NBEA: variants seen among roughly 807,000 people sequenced by gnomAD.
NBEA encodes the protein neurobeachin, also known as lysosomal-trafficking regulator 2.
NBEA carries 44 observed loss-of-function variants against 343.4 expected under a neutral mutation model. The ratio of observed to expected loss-of-function variants is 0.13; its 90% CI spans 0.10 to 0.16. The LOEUF (loss-of-function observed/expected upper bound fraction) is 0.16. Among genes scored for constraint, NBEA ranks in the 10% least tolerant of loss-of-function variants. The pLI is 1.00. For missense variants in NBEA, 2,555 were observed against 3,631.3 expected (o/e 0.70, Z 7.62); for synonymous variants, 1,175 against 1,238.7 (o/e 0.95, Z 1.08).
At chr13:35,173,937 G>A (rs1361378145) in intron 27 of NBEA, among the ~76,000 whole-genome samples, 1 of 152,086 alleles carries the variant, frequency 6.6e-6, no homozygotes, top group Non-Finnish European at 1.5e-5. Context: ...AGGCATAATA[G>A]TCAACAAAAA....
intron 6 of NBEA, among the ~76,000 whole-genome samples, chr13:35,053,137 C>A (rs2063124085): frequency 6.6e-6 from 1 of 152,118 alleles, no homozygotes; most frequent in African/African-American, 2.4e-5. Flanking sequence ...GCCTATCTCA[C>A]CTCCACATTG....
intron 23 of NBEA, 77 bp downstream of exon 23, chr13:35,162,044 A>G (rs921198679): frequency 1.6e-6 from 2 of 1,246,306 alleles, no homozygotes; most frequent in Admixed American, 5.4e-5. Context: ...GGTTTTGACA[A>G]AACCAAAAAT....
chr13:35,211,222 G>C, intron 33 of NBEA, 43 bp downstream of exon 33: 1 of 1,484,382 alleles, frequency 6.7e-7, no homozygotes, highest in Admixed American at 2.3e-5. Context: ...CTTTTTAAAT[G>C]TAGTGAAACA....
chr13:35,273,778 T>TTCCTGGACAC (rs1374170507), intron 34 of NBEA, among the ~76,000 whole-genome samples: 4 of 152,178 alleles, frequency 2.6e-5, no homozygotes, highest in African/African-American at 9.6e-5. Context: ...AATGGATAAA[T>TTCCTGGACAC]TCCTGGACAC....
intron 36 of NBEA, among the ~76,000 whole-genome samples, chr13:35,326,703 A>G (rs2038584729): frequency 6.6e-6 from 1 of 151,948 alleles, no homozygotes; most frequent in Non-Finnish European, 1.5e-5. Context: ...GTGAGCATTC[A>G]TGTCCCGTTC....
chr13:35,275,358 T>A (rs904635938), intron 34 of NBEA, among the ~76,000 whole-genome samples: 7 of 152,152 alleles, frequency 4.6e-5, no homozygotes, highest in Admixed American at 1.3e-4. Flanking sequence ...TAACTCAAGA[T>A]GGATTGAAGA....
intron 27 of NBEA, among the ~76,000 whole-genome samples, chr13:35,174,444 A>T (rs1043228554): frequency 6.6e-6 from 1 of 152,164 alleles, no homozygotes; most frequent in Non-Finnish European, 1.5e-5. Context: ...ATATTGATAC[A>T]GTAACTTTTT....
Position 35,641,502 on chromosome 13 carries a change from A to G in NBEA, c.7618-4367A>G, listed in dbSNP as rs573373695. On this transcript the variant is annotated intron_variant, in intron 49 of 58. Transcript: ENST00000379939. ...ATACTATACAGCAAAAGAAAAATGA[A>G]CAAACTACCGATACATACAACAAGG... is the stretch of plus-strand genomic sequence containing the variant. Among the ~76,000 whole-genome samples the G allele has an allele frequency of 7.2e-5, 11 of 152,352 alleles. No homozygotes were observed. The South Asian group carries it at 2.3e-3, about 32-fold the overall frequency.
At chr13:35,137,959 A>G (rs1195834726) in intron 17 of NBEA, among the ~76,000 whole-genome samples, 1 of 152,162 alleles carries the variant, frequency 6.6e-6, no homozygotes, top group Non-Finnish European at 1.5e-5. Flanking sequence ...TGAAATTCAG[A>G]AAGTGGAAAA....
At chr13:35,227,703 A>G (rs2074732527) in intron 33 of NBEA, among the ~76,000 whole-genome samples, 1 of 152,056 alleles carries the variant, frequency 6.6e-6, no homozygotes, top group Non-Finnish European at 1.5e-5. Context: ...TGTTTATTAT[A>G]TTTGTGACAT....
In NBEA at chr13:35,649,839, A is replaced by G; in HGVS notation, c.7955A>G (p.Asn2652Ser). 6.2e-7 allele frequency: 1 copy of G among 1,613,854 alleles called. No individual in the cohort carries two copies. The highest frequency in any genetic ancestry group is 1.1e-5 in the South Asian group (1 of 91,072). Residue 2652 changes from asparagine to serine, a missense_variant, in exon 52 of 59, where the codon AAC (asparagine) becomes AGC (serine). Physicochemically the swap from Asn to Ser is conservative, Grantham distance 46. Coordinates refer to ENST00000379939, the MANE Select transcript of NBEA (RefSeq NM_001385012.1). ...SRLFAVNRWH[N>S]TVGLRGAPGY... ...CTCTTTGCAGTGAATAGATGGCACA[A>G]CACAGTAGGTATGTGTGCCTGAGCA...
At chr13:35,480,361 A>G (rs2076073597) in intron 41 of NBEA, among the ~76,000 whole-genome samples, 1 of 152,036 alleles carries the variant, frequency 6.6e-6, no homozygotes. Flanking sequence ...TTCGAAAAAA[A>G]CCTGATTTAA....
chr13:35,052,784 A>G (rs1366069224), intron 6 of NBEA, among the ~76,000 whole-genome samples: 1 of 152,024 alleles, frequency 6.6e-6, no homozygotes, highest in African/African-American at 2.4e-5. Context: ...TACTGAGATC[A>G]GCTCATTAAT....
At chr13:35,571,821 C>T (rs891862794) in intron 45 of NBEA, among the ~76,000 whole-genome samples, 8 of 152,050 alleles carry the variant, frequency 5.3e-5, no homozygotes, top group Non-Finnish European at 1.2e-4. Context: ...AACATCAAAA[C>T]ACTAAGGTTA....
intron 17 of NBEA, 114 bp downstream of exon 17, chr13:35,123,688 A>G (rs1290607742): frequency 4.1e-6 from 2 of 484,544 alleles, no homozygotes; most frequent in Non-Finnish European, 6.8e-6. Flanking sequence ...ACAGCGGAAA[A>G]TAATAGCTTT....
intron 1 of NBEA, among the ~76,000 whole-genome samples, chr13:35,019,551 G>T (rs149901081): frequency 6.6e-6 from 1 of 151,978 alleles, no homozygotes. Flanking sequence ...CACCTGCCTC[G>T]ATTAAAATTC....
At chr13:35,126,761 T>C (rs766433001) in intron 17 of NBEA, among the ~76,000 whole-genome samples, 1 of 151,604 alleles carries the variant, frequency 6.6e-6, no homozygotes, top group Non-Finnish European at 1.5e-5. Context: ...CTACTAAAAA[T>C]ACAAAAATTA....
rs574159948 is a variant in NBEA, at chr13:35,320,918, C to T, written c.5903+11326C>T. ...ACTTGTGTATGCTTCATGAAGTTCTCGTGTTGTGTTTTTCAGCTGTGTCAG... is the reference window on the plus strand; with the variant it reads ...ACTTGTGTATGCTTCATGAAGTTCTTGTGTTGTGTTTTTCAGCTGTGTCAG... On this transcript the variant is annotated intron_variant, in intron 36 of 58. Coordinates refer to ENST00000379939, the MANE Select transcript of NBEA (RefSeq NM_001385012.1). Among the ~76,000 whole-genome samples, 14 of 152,008 alleles carry T rather than the reference C, an allele frequency of 9.2e-5. No homozygotes were observed. The South Asian group carries it at 2.7e-3, about 29-fold the overall frequency.
Position 35,555,004 on chromosome 13 carries a change from C to G in NBEA, c.6824C>G (p.Thr2275Ser), listed in dbSNP as rs1375587062. 2 of 1,608,626 alleles carry G rather than the reference C, an allele frequency of 1.2e-6. No individual in the cohort carries two copies. Among genetic ancestry groups the G allele is most frequent in the Non-Finnish European group, 1.7e-6 (2 of 1,176,084 alleles). Reference sequence around the variant, plus strand: ...ATTGCTAGGAGGATATCATTGGCCACTCCTCGACAGCTTTATAAATCTTCC... The same window carrying G: ...ATTGCTAGGAGGATATCATTGGCCAGTCCTCGACAGCTTTATAAATCTTCC... Reference protein sequence around the residue: ...LPQARRISLATPRQLYKSSNM... With the variant: ...LPQARRISLASPRQLYKSSNM... The change falls in exon 44 of 59, where the codon ACT becomes AGT. Residue 2275 changes from threonine to serine, a missense_variant. Physicochemically the swap from Thr to Ser is moderately conservative, Grantham distance 58 (BLOSUM62 1). This residue lies in a region of NBEA where 38 missense variants were observed against 97.2 expected (regional missense o/e 0.39). Transcript: ENST00000379939.
Sources: allele counts gnomAD v4.1 joint callset (sites outside exome capture counted in the v4.1 genomes callset), GRCh38; gene constraint gnomAD v4.1.1; regional missense constraint gnomAD v4.1.1; transcripts MANE v1.5; gene names NCBI Gene and HGNC (gene_info 2026-07-23, HGNC 2026-07-21).